RGPD2: variants seen among roughly 807,000 people sequenced by gnomAD.
RGPD2 encodes RANBP2-like and GRIP domain-containing protein 2.
Under a neutral mutation model 36.0 loss-of-function variants are expected in RGPD2, and 2 were observed. That is an observed-to-expected ratio of 0.06 (90% CI 0.02 to 0.17). The LOEUF (loss-of-function observed/expected upper bound fraction) is 0.17, where lower values mean the gene tolerates loss of function less well. RGPD2 is among the 10% of genes least tolerant of loss of function. The pLI is 1.00. For missense variants in RGPD2, 40 were observed against 464.3 expected (o/e 0.09, Z 8.40); for synonymous variants, 19 against 163.8 (o/e 0.12, Z 6.75).
chr2:87,921,984 C>T, the RGPD2 span, among the ~76,000 whole-genome samples: 1 of 150,290 alleles, frequency 6.7e-6, no homozygotes, highest in East Asian at 1.9e-4. Context: ...CAGCTGGCTT[C>T]CCCAATTTTT....
At chr2:87,970,008 A>G in the RGPD2 span, among the ~76,000 whole-genome samples, 1 of 151,708 alleles carries the variant, frequency 6.6e-6, no homozygotes, top group Non-Finnish European at 1.5e-5. Context: ...CATAATTTCA[A>G]TTGCATTCAG....
chr2:87,979,913 A>G, the RGPD2 span, among the ~76,000 whole-genome samples: 1 of 151,470 alleles, frequency 6.6e-6, no homozygotes, highest in African/African-American at 2.4e-5. Flanking sequence ...TTATGGAGTT[A>G]TAAAAATATT....
the RGPD2 span, among the ~76,000 whole-genome samples, chr2:87,882,128 C>G: frequency 2.0e-5 from 3 of 152,244 alleles, no homozygotes; most frequent in African/African-American, 7.2e-5. Flanking sequence ...ACCTTCAACA[C>G]TGAGGATTAC....
chr2:87,980,177 C>T, the RGPD2 span, among the ~76,000 whole-genome samples: 1 of 151,414 alleles, frequency 6.6e-6, no homozygotes, highest in African/African-American at 2.4e-5. Context: ...ATGGTGAAAC[C>T]CTGTCTCTAC....
At chr2:87,825,962 C>G (rs1039477294), upstream of RGPD2, 213 of 512,226 alleles carry the variant, frequency 4.2e-4, no homozygotes, top group Non-Finnish European at 1.3e-4. Flanking sequence ...GCCCGCCGGG[C>G]GCCGTGGCTC....
chr2:87,906,658 T>A, the RGPD2 span, among the ~76,000 whole-genome samples: 1 of 148,578 alleles, frequency 6.7e-6, no homozygotes, highest in African/African-American at 2.5e-5. Flanking sequence ...TCATAGGAGG[T>A]ACCTCTTGAT....
At chr2:87,919,645 A>G in the RGPD2 span, among the ~76,000 whole-genome samples, 1,063 of 144,708 alleles carry the variant, frequency 7.3e-3, 4 homozygotes, top group South Asian at 0.014. Context: ...ATGCAAAGAT[A>G]TACTTTATAT....
chr2:87,972,851 C>T, the RGPD2 span: 4 of 1,611,336 alleles, frequency 2.5e-6, no homozygotes, highest in Non-Finnish European at 3.4e-6. Flanking sequence ...CTGGACTGTC[C>T]TCATCCTCTT....
At chr2:87,856,911 G>C in the RGPD2 span, among the ~76,000 whole-genome samples, 1 of 151,710 alleles carries the variant, frequency 6.6e-6, no homozygotes, top group Non-Finnish European at 1.5e-5. Context: ...TCAAACAATA[G>C]GGCTTTGACT....
chr2:87,882,882 G>A, the RGPD2 span, among the ~76,000 whole-genome samples: 80 of 151,892 alleles, frequency 5.3e-4, no homozygotes, highest in South Asian at 4.4e-3. Flanking sequence ...TTTTTCTGGT[G>A]AGTTAATTGT....
the RGPD2 span, among the ~76,000 whole-genome samples, chr2:87,933,543 T>G: frequency 3.1e-4 from 47 of 150,518 alleles, no homozygotes; most frequent in Non-Finnish European, 1.2e-4. Context: ...TCTTAATAGA[T>G]AGCAAAGTCA....
rs1661767236 is a variant in RGPD2 at position 87,813,776 on chromosome 2, C to A, written c.403-1570G>T. ...AAAGCCTTCTCAACAGTAATACTCT[C>A]ATTCATTAAACAAATGTCAGAAACT... On this transcript the variant is annotated intron_variant, in intron 4 of 22. Coordinates refer to ENST00000398146, the MANE Select transcript of RGPD2 (RefSeq NM_001078170.3). Among the ~76,000 whole-genome samples the A allele has an allele frequency of 3.2e-5, 4 of 126,978 alleles. No homozygotes were observed. The South Asian group carries it at 1.1e-3, about 35-fold the overall frequency. 83.3% of individuals were successfully genotyped at this position (126,978 alleles called of 152,430 possible).
At chr2:87,886,736 G>A in the RGPD2 span, among the ~76,000 whole-genome samples, 2 of 151,204 alleles carry the variant, frequency 1.3e-5, no homozygotes, top group East Asian at 1.9e-4. Context: ...CCACAAACAC[G>A]GGATTGAGAT....
the RGPD2 span, among the ~76,000 whole-genome samples, chr2:87,977,385 T>A: frequency 7.7e-6 from 1 of 129,872 alleles, no homozygotes; most frequent in Non-Finnish European, 1.6e-5. Flanking sequence ...TATTTACAAG[T>A]ATTTTTATAT....
chr2:87,847,642 G>A, the RGPD2 span, among the ~76,000 whole-genome samples: 2 of 151,658 alleles, frequency 1.3e-5, no homozygotes, highest in African/African-American at 2.4e-5. Flanking sequence ...GGGACCACAG[G>A]TGCATGCCAT....
chr2:87,984,417 A>G, the RGPD2 span, among the ~76,000 whole-genome samples: 1 of 151,736 alleles, frequency 6.6e-6, no homozygotes, highest in Non-Finnish European at 1.5e-5. Flanking sequence ...TACAATTATT[A>G]GCTATTGGTT....
chr2:87,884,475 A>G, the RGPD2 span, among the ~76,000 whole-genome samples: 1 of 152,046 alleles, frequency 6.6e-6, no homozygotes, highest in Non-Finnish European at 1.5e-5. Flanking sequence ...CAATAAATAC[A>G]TGAAAAAAAT....
At chr2:87,951,704 C>A in the RGPD2 span, among the ~76,000 whole-genome samples, 1 of 149,090 alleles carries the variant, frequency 6.7e-6, no homozygotes. Context: ...CCTGCTTCAG[C>A]CTCCCAAGTA....
At chr2:87,842,546 C>T in the RGPD2 span, among the ~76,000 whole-genome samples, 21 of 146,246 alleles carry the variant, frequency 1.4e-4, no homozygotes, top group Non-Finnish European at 2.8e-4. Context: ...AACCACTGCT[C>T]AATGAAATAA....
Sources: gnomAD v4.1 joint callset for allele counts (sites outside exome capture counted in the v4.1 genomes callset) on GRCh38, gnomAD v4.1.1 for gene constraint, MANE v1.5 for transcripts, NCBI Gene and HGNC (gene_info 2026-07-23, HGNC 2026-07-21) for gene names.